Variants in JPH1 observed in about 807,000 individuals in gnomAD.
JPH1 encodes the protein junctophilin 1.
A neutral mutation model predicts 53.6 loss-of-function variants in JPH1; 12 were observed. The observed-to-expected ratio is 0.22, with a 90% CI of 0.14 to 0.36. The LOEUF (loss-of-function observed/expected upper bound fraction) is 0.36. JPH1 is among the 10% of genes least tolerant of loss of function. The probability of loss-of-function intolerance (pLI) is 1.00; values close to 1 mark genes in which losing one functional copy is unlikely to be tolerated. For synonymous variants in JPH1, 375 were observed against 363.8 expected (o/e 1.03, Z -0.35); for missense variants, 808 against 905.5 (o/e 0.89, Z 1.38).
At chr8:74,319,048 T>G (rs1425539118) in intron 1 of JPH1, among the ~76,000 whole-genome samples, 1 of 152,026 alleles carries the variant, frequency 6.6e-6, no homozygotes, top group Non-Finnish European at 1.5e-5. Flanking sequence ...TGATGCCAAG[T>G]TTTAAGTTTT....
intron 2 of JPH1, among the ~76,000 whole-genome samples, chr8:74,311,596 T>C (rs1281786844): frequency 6.6e-6 from 1 of 152,084 alleles, no homozygotes; most frequent in Non-Finnish European, 1.5e-5. Context: ...TACATATACA[T>C]GTGCCATGCT....
At chr8:74,244,012 G>C (rs1805771855) in intron 4 of JPH1, among the ~76,000 whole-genome samples, 1 of 152,178 alleles carries the variant, frequency 6.6e-6, no homozygotes, top group African/African-American at 2.4e-5. Context: ...TGCAAAGCCT[G>C]GCTAATTAAA....
At chr8:74,257,946 T>A (rs2977043) in intron 3 of JPH1, among the ~76,000 whole-genome samples, 32,561 of 152,074 alleles carry the variant, frequency 0.21, 4,022 homozygotes, top group South Asian at 0.41. Flanking sequence ...GGCCTTTTAC[T>A]GTCTTCTTTC....
Position 74,320,797 on chromosome 8 carries a change from T to A in JPH1, c.379+112A>T, listed in dbSNP as rs1402367116. 1 of 1,285,488 alleles carries A rather than the reference T, an allele frequency of 7.8e-7. No individual in the cohort carries two copies. Among genetic ancestry groups the A allele is most frequent in the African/African-American group, 1.6e-5 (1 of 63,438 alleles). The allele number at this position is 1,285,488 out of a possible 1,614,324, so 79.6% of individuals were successfully genotyped here. A position where few individuals can be genotyped will look rare whatever the true frequency, so the allele number is the denominator to read the frequency against. On this transcript the variant is annotated intron_variant, in intron 1 of 5. Transcript: ENST00000342232. This position sits in a 1 kb window ranked among gnomAD's most constrained non-coding sequence, Gnocchi z 4.4. Reference sequence around the variant, plus strand: ...GGGGTGGGAGGCGCCCCCAGGTGTTTTGGCGGGTTTCCGGACACGTGCGCC... The same window carrying A: ...GGGGTGGGAGGCGCCCCCAGGTGTTATGGCGGGTTTCCGGACACGTGCGCC...
chr8:74,251,991 A>C (rs1806080528), intron 3 of JPH1, among the ~76,000 whole-genome samples: 1 of 152,238 alleles, frequency 6.6e-6, no homozygotes, highest in African/African-American at 2.4e-5. Context: ...CCAATGGAAC[A>C]GAACAGAGCC....
intron 2 of JPH1, among the ~76,000 whole-genome samples, chr8:74,283,304 A>T (rs986560961): frequency 4.6e-5 from 7 of 152,028 alleles, no homozygotes; most frequent in Non-Finnish European, 7.4e-5. Context: ...CCTGTGTGGC[A>T]TAGTGTCATT....
chr8:74,250,334 T>C (rs1019141728), intron 3 of JPH1, among the ~76,000 whole-genome samples: 1 of 152,176 alleles, frequency 6.6e-6, no homozygotes, highest in African/African-American at 2.4e-5. Flanking sequence ...GGTTTCACCA[T>C]GTTGGTCAGG....
At position 74,315,750 on chromosome 8, in the gene JPH1, ATACTT is replaced by A; in HGVS notation, c.380-135_380-131del. ...CCCATTTCCAAGTCAACCCTGGGGG[ATACTT>A]TGCATCCACTTGTGAATCCCCGCCC... On this transcript the variant is annotated intron_variant, in intron 1 of 5. Transcript: ENST00000342232. The surrounding 1 kb of genome is among the most constrained non-coding windows in gnomAD (Gnocchi z 6.3). The A allele has an allele frequency of 1.2e-6, 1 of 848,586 alleles. No homozygotes were observed. Among genetic ancestry groups the A allele is most frequent in the Non-Finnish European group, 1.7e-6 (1 of 586,704 alleles). 52.6% of individuals were successfully genotyped at this position (848,586 alleles called of 1,614,324 possible).
At chr8:74,302,949 G>T (rs1193698324) in intron 2 of JPH1, among the ~76,000 whole-genome samples, 1 of 105,756 alleles carries the variant, frequency 9.5e-6, no homozygotes, top group Non-Finnish European at 1.9e-5. Flanking sequence ...CCAGTAGGTT[G>T]CCAAGAAAAG....
intron 3 of JPH1, among the ~76,000 whole-genome samples, chr8:74,248,959 A>C (rs1805950485): frequency 6.6e-6 from 1 of 152,212 alleles, no homozygotes; most frequent in East Asian, 1.9e-4. Context: ...AGTATCTATG[A>C]ATCCCAAAGG....
At chr8:74,287,830 T>C (rs1807212789) in intron 2 of JPH1, among the ~76,000 whole-genome samples, 1 of 152,082 alleles carries the variant, frequency 6.6e-6, no homozygotes, top group Non-Finnish European at 1.5e-5. Flanking sequence ...TGAAACAAAA[T>C]AACTTTTTTT....
At chr8:74,262,508 G>C (rs1403255927) in intron 2 of JPH1, among the ~76,000 whole-genome samples, 3 of 152,018 alleles carry the variant, frequency 2.0e-5, no homozygotes, top group Non-Finnish European at 2.9e-5. Context: ...ACACCAAAGG[G>C]GAATACGTGC....
intron 2 of JPH1, among the ~76,000 whole-genome samples, chr8:74,307,610 C>G (rs1291326722): frequency 6.6e-6 from 1 of 152,172 alleles, no homozygotes; most frequent in Non-Finnish European, 1.5e-5. Context: ...ATTTAACAAT[C>G]TATTCATTAA....
intron 2 of JPH1, among the ~76,000 whole-genome samples, chr8:74,313,852 A>G (rs1442795123): frequency 6.6e-6 from 1 of 152,220 alleles, no homozygotes; most frequent in Non-Finnish European, 1.5e-5. Flanking sequence ...TCACTTAAAT[A>G]AGACTAAAAA....
chr8:74,237,382 A>C, intron 4 of JPH1, 79 bp from the exon 5 acceptor site: 1 of 1,147,446 alleles, frequency 8.7e-7, no homozygotes, highest in Non-Finnish European at 1.3e-6. Flanking sequence ...TTACTGAAAA[A>C]ATGAGAAAGT....
intron 4 of JPH1, among the ~76,000 whole-genome samples, chr8:74,240,219 G>A (rs1336102267): frequency 2.6e-5 from 4 of 152,070 alleles, no homozygotes; most frequent in African/African-American, 9.7e-5. Flanking sequence ...TGATCCATCC[G>A]CCTCAGCCTC....
intron 2 of JPH1, among the ~76,000 whole-genome samples, chr8:74,283,191 G>A (rs1807061365): frequency 6.6e-6 from 1 of 152,008 alleles, no homozygotes. Flanking sequence ...ACTGTGCTGA[G>A]TGGCAGAAAG....
rs1423215643 is a variant in JPH1 at position 74,321,257 on chromosome 8, C to T, written c.31G>A (p.Gly11Ser). ...TCCCAGCCGCCGCAGTAGGTGCCGC[C>T]ATCGTCGAAGTCGAACCTTCCGCCC... Reference protein sequence around the residue: MTGGRFDFDDGGTYCGGWEEG... With the variant: MTGGRFDFDDSGTYCGGWEEG... The change falls in exon 1 of 6, where the codon GGC becomes AGC. Residue 11 changes from glycine (G) to serine (S), a missense_variant. Around this residue, in one of 2 missense-constraint regions of JPH1, gnomAD observed 52 missense variants for 93.6 expected, o/e 0.56. Coordinates refer to ENST00000342232, the MANE Select transcript of JPH1 (RefSeq NM_020647.4). This position sits in a 1 kb window ranked among gnomAD's most constrained non-coding sequence, Gnocchi z 4.3. The T allele has an allele frequency of 1.2e-6, 2 of 1,600,352 alleles. No individual in the cohort carries two copies. The highest frequency in any genetic ancestry group is 2.7e-5 in the African/African-American group (2 of 74,376).
At position 74,274,353 on chromosome 8, in the gene JPH1, GC is replaced by G. The variant is rs1330152944; in HGVS notation, c.1140-14851del. Among the ~76,000 whole-genome samples, 6 of 152,302 alleles carry G rather than the reference GC, an allele frequency of 3.9e-5. No homozygotes were observed. The East Asian group carries it at 7.7e-4, about 20-fold the overall frequency. ...TGCTTTCTGGCTCCAGCTGAGCACG[GC>G]TGGAATATTTATAGAATAATTTTTT... is the stretch of plus-strand genomic sequence containing the variant. On this transcript the variant is annotated intron_variant, in intron 2 of 5. Coordinates refer to ENST00000342232, the MANE Select transcript of JPH1 (RefSeq NM_020647.4).
Sources: allele counts gnomAD v4.1 joint callset (sites outside exome capture counted in the v4.1 genomes callset), GRCh38; gene constraint gnomAD v4.1.1; regional missense constraint gnomAD v4.1.1; non-coding constraint Gnocchi (gnomAD v3.1); transcripts MANE v1.5; gene names NCBI Gene and HGNC (gene_info 2026-07-23, HGNC 2026-07-21).